Variants in SGCZ observed in about 807,000 individuals in gnomAD.
SGCZ encodes sarcoglycan zeta.
Under a neutral mutation model 41.3 loss-of-function variants are expected in SGCZ, and 40 were observed. That is an observed-to-expected ratio of 0.97 (90% CI 0.75 to 1.26). The LOEUF (loss-of-function observed/expected upper bound fraction) is 1.26, where lower values mean the gene tolerates loss of function less well. Among genes scored for constraint, SGCZ ranks in the 50% most tolerant of loss-of-function variants. The pLI is 0.00. For missense variants in SGCZ, 552 were observed against 369.8 expected (o/e 1.49, Z -4.04); for synonymous variants, 206 against 137.5 (o/e 1.50, Z -3.49).
intron 1 of SGCZ, among the ~76,000 whole-genome samples, chr8:15,142,274 G>A (rs912909806): frequency 6.6e-6 from 1 of 152,110 alleles, no homozygotes; most frequent in Non-Finnish European, 1.5e-5. Context: ...CACTGAGTAG[G>A]AGAAATGTTG....
chr8:14,178,715 T>A (rs1379836714), intron 4 of SGCZ, among the ~76,000 whole-genome samples: 1 of 152,224 alleles, frequency 6.6e-6, no homozygotes, highest in Non-Finnish European at 1.5e-5. Flanking sequence ...GGAGAATAAC[T>A]TGGAATGATG....
chr8:15,027,916 C>T (rs1311645601), intron 1 of SGCZ, among the ~76,000 whole-genome samples: 5 of 151,878 alleles, frequency 3.3e-5, no homozygotes, highest in Non-Finnish European at 7.4e-5. Context: ...ATATTTATTC[C>T]TCATTAAAAA....
chr8:14,547,447 A>G lies in SGCZ; in HGVS notation c.234+7285T>C, dbSNP rs375629134. ...AACGCTTTTTATATCTCAGCACTAAATTAGAATTTCATAAAGAATCTTTTT... is the reference window on the plus strand; with the variant it reads ...AACGCTTTTTATATCTCAGCACTAAGTTAGAATTTCATAAAGAATCTTTTT... On this transcript the variant is annotated intron_variant, in intron 2 of 7. Transcript: ENST00000382080. Among the ~76,000 whole-genome samples the G allele has an allele frequency of 5.3e-5, 8 of 152,284 alleles. No individual in the cohort carries two copies. The East Asian group carries it at 9.7e-4, about 18-fold the overall frequency.
intron 3 of SGCZ, among the ~76,000 whole-genome samples, chr8:14,291,553 G>C (rs561930550): frequency 6.6e-6 from 1 of 151,876 alleles, no homozygotes; most frequent in African/African-American, 2.4e-5. Flanking sequence ...TATCTTAGCT[G>C]TCTATACTCT....
chr8:14,678,777 A>T (rs1241864823), intron 1 of SGCZ, among the ~76,000 whole-genome samples: 3 of 152,226 alleles, frequency 2.0e-5, no homozygotes, highest in Non-Finnish European at 4.4e-5. Flanking sequence ...CTTGGAAGCA[A>T]CCAAGATGTT....
chr8:14,756,981 C>T (rs1037454910), intron 1 of SGCZ, among the ~76,000 whole-genome samples: 65 of 152,130 alleles, frequency 4.3e-4, no homozygotes, highest in African/African-American at 1.6e-3. Context: ...TCTGGAATAA[C>T]CACAAGTCCC....
chr8:15,222,739 A>T (rs1402383919), intron 1 of SGCZ, among the ~76,000 whole-genome samples: 1 of 152,034 alleles, frequency 6.6e-6, no homozygotes, highest in Non-Finnish European at 1.5e-5. Flanking sequence ...ACTTTCATTT[A>T]TCAAGCTTAA....
Position 14,262,688 on chromosome 8 carries a change from A to G in SGCZ, c.337-25009T>C, listed in dbSNP as rs528356137. 2.6e-5 allele frequency among the ~76,000 whole-genome samples: 4 copies of G among 152,004 alleles called. No individual in the cohort carries two copies. The South Asian group carries it at 6.2e-4, about 24-fold the overall frequency. On this transcript the variant is annotated intron_variant, in intron 3 of 7. Coordinates refer to ENST00000382080, the MANE Select transcript of SGCZ (RefSeq NM_139167.4). ...TGTCATCGAGCTTTAAAACTTCAAG[A>G]ACCTTGAATAAATAATACAAAAATC...
chr8:14,531,784 A>T (rs1585053971), intron 2 of SGCZ, among the ~76,000 whole-genome samples: 1 of 152,044 alleles, frequency 6.6e-6, no homozygotes, highest in South Asian at 2.1e-4. Flanking sequence ...AACTTCTAAG[A>T]CCATCCACTA....
At chr8:14,285,936 T>C (rs1407773123) in intron 3 of SGCZ, among the ~76,000 whole-genome samples, 1 of 152,156 alleles carries the variant, frequency 6.6e-6, no homozygotes, top group Non-Finnish European at 1.5e-5. Context: ...ACATTCGCTG[T>C]AGGAAACACA....
chr8:15,022,635 C>G (rs1162238483), intron 1 of SGCZ, among the ~76,000 whole-genome samples: 3 of 152,160 alleles, frequency 2.0e-5, no homozygotes, highest in Non-Finnish European at 4.4e-5. Flanking sequence ...AACCATCGTG[C>G]CTGGCCTAAA....
chr8:14,636,234 A>G (rs937812410), intron 1 of SGCZ, among the ~76,000 whole-genome samples: 7 of 151,904 alleles, frequency 4.6e-5, no homozygotes, highest in African/African-American at 1.7e-4. Context: ...GCTGGTAGTG[A>G]TCTTAAGAAT....
chr8:14,258,168 T>C (rs1799531847), intron 3 of SGCZ, among the ~76,000 whole-genome samples: 1 of 152,186 alleles, frequency 6.6e-6, no homozygotes, highest in Non-Finnish European at 1.5e-5. Context: ...AGAATATAGA[T>C]ACTAAACAAT....
At chr8:14,637,392 C>T (rs559726141) in intron 1 of SGCZ, among the ~76,000 whole-genome samples, 3 of 151,334 alleles carry the variant, frequency 2.0e-5, no homozygotes, top group Non-Finnish European at 4.4e-5. Context: ...CGTGATGCTG[C>T]GGTTTGGAGC....
Position 14,407,692 on chromosome 8 carries a change from C to A in SGCZ, c.235-83488G>T, listed in dbSNP as rs1414406191. ...TTTTCTTGTTAAGAACTGAGAAAGGCTGTCAATATGAATGAGAAGATTCCC... is the reference window on the plus strand; with the variant it reads ...TTTTCTTGTTAAGAACTGAGAAAGGATGTCAATATGAATGAGAAGATTCCC... On this transcript the variant is annotated intron_variant, in intron 2 of 7. Coordinates refer to ENST00000382080, the MANE Select transcript of SGCZ (RefSeq NM_139167.4). 2.6e-5 allele frequency among the ~76,000 whole-genome samples: 4 copies of A among 152,194 alleles called. 1 individual carries two copies. In the East Asian group the frequency reaches 7.7e-4, roughly 29 times the overall value.
chr8:14,297,966 C>T (rs1801068377), intron 3 of SGCZ, among the ~76,000 whole-genome samples: 1 of 151,108 alleles, frequency 6.6e-6, no homozygotes, highest in Non-Finnish European at 1.5e-5. Context: ...ACATTCTTAC[C>T]AAATATTAAC....
intron 1 of SGCZ, among the ~76,000 whole-genome samples, chr8:15,219,764 A>G (rs1025891315): frequency 6.6e-6 from 1 of 152,174 alleles, no homozygotes; most frequent in Admixed American, 6.5e-5. Flanking sequence ...CTACTCACTT[A>G]TGTCTCATTA....
intron 1 of SGCZ, among the ~76,000 whole-genome samples, chr8:15,174,072 T>A (rs916988837): frequency 6.6e-6 from 1 of 152,186 alleles, no homozygotes; most frequent in Non-Finnish European, 1.5e-5. Flanking sequence ...AGGGCCGTCA[T>A]TGATCATGCT....
chr8:14,662,926 T>C (rs952757481), intron 1 of SGCZ, among the ~76,000 whole-genome samples: 1 of 152,040 alleles, frequency 6.6e-6, no homozygotes, highest in Non-Finnish European at 1.5e-5. Flanking sequence ...AAGATAGAAA[T>C]GGGTTTCAGC....
Sources: allele counts gnomAD v4.1 joint callset (sites outside exome capture counted in the v4.1 genomes callset), GRCh38; gene constraint gnomAD v4.1.1; transcripts MANE v1.5; gene names NCBI Gene and HGNC (gene_info 2026-07-23, HGNC 2026-07-21).